RAB28: variants seen among roughly 807,000 people sequenced by gnomAD.
The protein encoded by RAB28 is ras-related protein Rab-28.
A neutral mutation model predicts 31.7 loss-of-function variants in RAB28; 24 were observed. That is an observed-to-expected ratio of 0.76 (90% CI 0.55 to 1.06). The LOEUF (loss-of-function observed/expected upper bound fraction) is 1.06. RAB28 is among the 50% of genes least tolerant of loss of function. The pLI, the probability that RAB28 is intolerant of heterozygous loss-of-function variation, is 0.00. For synonymous variants in RAB28, 100 were observed against 90.4 expected (o/e 1.11, Z -0.60); for missense variants, 254 against 258.5 (o/e 0.98, Z 0.12).
At chr4:13,406,485 A>G (rs1397718034) in intron 4 of RAB28, among the ~76,000 whole-genome samples, 1 of 152,202 alleles carries the variant, frequency 6.6e-6, no homozygotes, top group African/African-American at 2.4e-5. Flanking sequence ...TCTTTATAGT[A>G]GAATGATTTA....
At position 13,373,214 on chromosome 4, in the gene RAB28, T is replaced by G. The variant is rs541708252; in HGVS notation, c.573+3331A>C. On this transcript the variant is annotated intron_variant, in intron 6 of 6. Coordinates refer to ENST00000330852, the MANE Select transcript of RAB28 (RefSeq NM_001017979.3). ...CATTCTTAAAGAGCCGATTGCTGGA[T>G]TTCCTAAACAACGGCAATTGTAAAT... 2.0e-5 allele frequency among the ~76,000 whole-genome samples: 3 copies of G among 152,248 alleles called. No individual in the cohort carries two copies. In the South Asian group the frequency reaches 6.2e-4, roughly 32 times the overall value.
intron 1 of RAB28, 98 bp downstream of exon 1, chr4:13,483,978 G>A (rs1247716761): frequency 1.7e-6 from 2 of 1,185,162 alleles, no homozygotes; most frequent in Non-Finnish European, 2.4e-6. Context: ...GAAGCCCGAG[G>A]GCTCGGGGTA....
chr4:13,480,101 T>A lies in RAB28; in HGVS notation c.76-575A>T, dbSNP rs148317890. ...ACAATATGTACCTCTTAAATAAACGTATTTTTAAGATTAATATAAAGCAGA... is the reference window on the plus strand; with the variant it reads ...ACAATATGTACCTCTTAAATAAACGAATTTTTAAGATTAATATAAAGCAGA... On this transcript the variant is annotated intron_variant, in intron 1 of 6. Transcript: ENST00000330852. Among the ~76,000 whole-genome samples, 693 of 151,814 alleles carry A rather than the reference T, an allele frequency of 4.6e-3. 6 individuals are homozygous for A. Among genetic ancestry groups the A allele is most frequent in the African/African-American group, 0.016 (660 of 41,530 alleles).
At chr4:13,442,937 T>TA (rs1158885095) in intron 4 of RAB28, among the ~76,000 whole-genome samples, 1 of 152,196 alleles carries the variant, frequency 6.6e-6, no homozygotes, top group Non-Finnish European at 1.5e-5. Flanking sequence ...TCTGTGTCCT[T>TA]AACCACTATC....
rs373460800 is a variant in RAB28, at chr4:13,479,566, A to G, written c.76-40T>C. The G allele has an allele frequency of 4.3e-4, 545 of 1,266,620 alleles. 6 individuals carry two copies. The South Asian group carries it at 6.3e-3, about 15-fold the overall frequency. The allele number at this position is 1,266,620 out of a possible 1,614,324, so 78.5% of individuals were successfully genotyped here. A position where few individuals can be genotyped will look rare whatever the true frequency, so the allele number is the denominator to read the frequency against. ...CACAGAATGTCAAAATTAATTCATT[A>G]AAGAAATGTAATCATAAGACCACTA... On this transcript the variant is annotated intron_variant, in intron 1 of 6. Coordinates refer to ENST00000330852, the MANE Select transcript of RAB28 (RefSeq NM_001017979.3).
In RAB28 at chr4:13,484,284, G is replaced by A. The variant is rs1290459602; in HGVS notation, c.-134C>T. 4 of 683,456 alleles carry A rather than the reference G, an allele frequency of 5.9e-6. No individual in the cohort carries two copies. The highest frequency in any genetic ancestry group is 4.9e-5 in the South Asian group (3 of 61,030). The allele number at this position is 683,456 out of a possible 1,614,324, so 42.3% of individuals were successfully genotyped here. A position where few individuals can be genotyped will look rare whatever the true frequency, so the allele number is the denominator to read the frequency against. On this transcript the variant is annotated 5_prime_UTR_variant, in exon 1 of 7. Transcript: ENST00000330852. The stretch of plus-strand genomic sequence containing the variant: ...CCCCGGTGTCTCCGCGCCGGCAGGA[G>A]GTATTCGAGGAGAATCACTCGGCAA...
In RAB28 at chr4:13,371,368, A is replaced by G. The variant is rs555118640; in HGVS notation, c.574-2718T>C. The G allele has an allele frequency of 2.0e-5, 20 of 985,298 alleles. No homozygotes were observed. In the East Asian group the frequency reaches 7.9e-4, roughly 39 times the overall value. The allele number at this position is 985,298 out of a possible 1,614,324, so 61.0% of individuals were successfully genotyped here. ...AAACCTAACTGTTTCATGCCAAACT[A>G]TGGGTTACAATGAAGAGATGGGATT... On this transcript the variant is annotated intron_variant, in intron 6 of 6. Transcript: ENST00000330852.
At chr4:13,444,050 C>T (rs1359294461) in intron 4 of RAB28, among the ~76,000 whole-genome samples, 8 of 147,326 alleles carry the variant, frequency 5.4e-5, no homozygotes, top group South Asian at 2.2e-4. Flanking sequence ...TTTATCATGA[C>T]GGAGTCTCGC....
chr4:13,415,417 A>C (rs934111770), intron 4 of RAB28, among the ~76,000 whole-genome samples: 6 of 152,094 alleles, frequency 3.9e-5, no homozygotes, highest in African/African-American at 1.4e-4. Context: ...GCAGGCGGGA[A>C]CCGGGGCTGC....
At chr4:13,407,614 G>A (rs73229662) in intron 4 of RAB28, among the ~76,000 whole-genome samples, 2,181 of 152,210 alleles carry the variant, frequency 0.014, 25 homozygotes, top group Middle Eastern at 0.044. Flanking sequence ...GGCCACTTTC[G>A]CGATATTGAT....
At chr4:13,450,190 T>C (rs1714888900) in intron 4 of RAB28, among the ~76,000 whole-genome samples, 1 of 151,810 alleles carries the variant, frequency 6.6e-6, no homozygotes, top group Non-Finnish European at 1.5e-5. Context: ...CACAAAAAAT[T>C]GTAAATAAAA....
chr4:13,375,768 A>AC (rs1728894857), intron 6 of RAB28, among the ~76,000 whole-genome samples: 17 of 148,166 alleles, frequency 1.1e-4, no homozygotes, highest in African/African-American at 4.2e-4. Context: ...ATTGTTTTAA[A>AC]ACACACACAC....
intron 4 of RAB28, among the ~76,000 whole-genome samples, chr4:13,432,420 A>C (rs1713861943): frequency 6.6e-6 from 1 of 152,180 alleles, no homozygotes; most frequent in South Asian, 2.1e-4. Flanking sequence ...GTCAACATCC[A>C]GAGAAAGGAA....
At chr4:13,384,017 G>T (rs1046812973) in intron 4 of RAB28, among the ~76,000 whole-genome samples, 1 of 152,146 alleles carries the variant, frequency 6.6e-6, no homozygotes, top group Non-Finnish European at 1.5e-5. Context: ...GCACCTGACT[G>T]GTGGAAAGTA....
intron 1 of RAB28, among the ~76,000 whole-genome samples, chr4:13,482,299 A>G (rs1716639698): frequency 6.6e-6 from 1 of 152,188 alleles, no homozygotes; most frequent in African/African-American, 2.4e-5. Flanking sequence ...AAAAACTCAG[A>G]CGCAAAATTA....
chr4:13,397,648 T>A (rs1363768599), intron 4 of RAB28, among the ~76,000 whole-genome samples: 1 of 152,134 alleles, frequency 6.6e-6, no homozygotes, highest in African/African-American at 2.4e-5. Flanking sequence ...ATTCTTGGTT[T>A]TTATTATTTT....
chr4:13,468,304 C>T (rs1169839768), intron 3 of RAB28, among the ~76,000 whole-genome samples: 2 of 151,906 alleles, frequency 1.3e-5, no homozygotes, highest in Non-Finnish European at 2.9e-5. Context: ...CTAGCTCTCA[C>T]GGTACATTCA....
chr4:13,378,929 G>A (rs1034485666), intron 5 of RAB28, among the ~76,000 whole-genome samples: 1 of 152,056 alleles, frequency 6.6e-6, no homozygotes, highest in Non-Finnish European at 1.5e-5. Flanking sequence ...AATAGTCATC[G>A]GCCTGGTGCA....
rs150007279 is a variant in RAB28, at chr4:13,461,786, C to G, written c.262-958G>C. On this transcript the variant is annotated intron_variant, in intron 3 of 6. Coordinates refer to ENST00000330852, the MANE Select transcript of RAB28 (RefSeq NM_001017979.3). Reference sequence around the variant, plus strand: ...ACAAAGCTCTACATACAGTATAAGCCCGGACCCTAATGGCATTTATGTCGA... The same window carrying G: ...ACAAAGCTCTACATACAGTATAAGCGCGGACCCTAATGGCATTTATGTCGA... 2.4e-3 allele frequency among the ~76,000 whole-genome samples: 372 copies of G among 152,164 alleles called. 2 individuals are homozygous for G. Among genetic ancestry groups the G allele is most frequent in the African/African-American group, 8.5e-3 (354 of 41,522 alleles).
Sources: allele counts gnomAD v4.1 joint callset (sites outside exome capture counted in the v4.1 genomes callset), GRCh38; gene constraint gnomAD v4.1.1; transcripts MANE v1.5; gene names NCBI Gene and HGNC (gene_info 2026-07-23, HGNC 2026-07-21).